Variants in PCDHA2 observed in about 807,000 individuals in gnomAD.
The protein encoded by PCDHA2 is protocadherin alpha-2.
In PCDHA2, 58 loss-of-function variants were observed where a neutral mutation model predicts 66.0. The observed-to-expected ratio is 0.88, with a 90% CI of 0.71 to 1.09. PCDHA2 has a LOEUF of 1.09. PCDHA2 is among the 50% of genes least tolerant of loss of function. PCDHA2 has a pLI of 0.00. For missense variants in PCDHA2, 1,267 were observed against 1,242.3 expected (o/e 1.02, Z -0.30); for synonymous variants, 634 against 554.0 (o/e 1.14, Z -2.03).
chr5:141,002,656 C>T lies in PCDHA2; in HGVS notation c.2537-6971C>T, dbSNP rs115710244. Among the ~76,000 whole-genome samples the T allele has an allele frequency of 3.7e-3, 571 of 152,302 alleles. 5 individuals are homozygous for T. The highest frequency in any genetic ancestry group is 0.013 in the African/African-American group (539 of 41,574). On this transcript the variant is annotated intron_variant, in intron 3 of 3. Coordinates refer to ENST00000526136, the MANE Select transcript of PCDHA2 (RefSeq NM_018905.3). The stretch of plus-strand genomic sequence containing the variant: ...CTAGAAATGTCTACTTCATAGGGCT[C>T]TTGTCAGGACCAAAACCTATACGAC...
rs781997820 is a variant in PCDHA2 at position 140,807,615 on chromosome 5, C to A, written c.2388+10263C>A. On this transcript the variant is annotated intron_variant, in intron 1 of 3. Transcript: ENST00000526136. ...GCAACACAAAAGAACCTGTCCATCG[C>A]GGAATCCAGGCCGCTTGACTCTCGG... The A allele has an allele frequency of 1.4e-5, 22 of 1,614,038 alleles. 1 individual carries two copies. In the South Asian group the frequency reaches 2.3e-4, roughly 17 times the overall value.
At chr5:140,870,745 G>A (rs369212308) in intron 1 of PCDHA2, 1 of 1,613,530 alleles carries the variant, frequency 6.2e-7, no homozygotes, top group South Asian at 1.1e-5. Context: ...GAGCAGCAAC[G>A]TGACGCTGCA....
intron 1 of PCDHA2, among the ~76,000 whole-genome samples, chr5:140,954,247 A>T (rs782077145): frequency 2.6e-5 from 4 of 152,196 alleles, no homozygotes; most frequent in Non-Finnish European, 4.4e-5. Context: ...ATGAACATAC[A>T]CATGCAGGTA....
chr5:140,996,636 T>G (rs561950169), intron 3 of PCDHA2, among the ~76,000 whole-genome samples: 17 of 152,346 alleles, frequency 1.1e-4, no homozygotes, highest in Middle Eastern at 6.8e-3. Context: ...CTGCAAATTA[T>G]GTAGTTAATC....
intron 1 of PCDHA2, among the ~76,000 whole-genome samples, chr5:140,910,845 G>C (rs1448971238): frequency 6.6e-6 from 1 of 152,090 alleles, no homozygotes; most frequent in Non-Finnish European, 1.5e-5. Context: ...CAATGCCTTG[G>C]ATCTATGTTC....
At chr5:140,962,719 T>G (rs928199903) in intron 1 of PCDHA2, among the ~76,000 whole-genome samples, 1 of 152,224 alleles carries the variant, frequency 6.6e-6, no homozygotes, top group Non-Finnish European at 1.5e-5. Flanking sequence ...TTGGAAAGTA[T>G]TTTCCTTCTG....
chr5:140,923,142 T>C (rs553287064), intron 1 of PCDHA2, among the ~76,000 whole-genome samples: 9 of 152,006 alleles, frequency 5.9e-5, no homozygotes, highest in Non-Finnish European at 1.2e-4. Context: ...AGGTGGAATA[T>C]AAAAAAAATT....
At chr5:140,879,799 G>C (rs1165330277) in intron 1 of PCDHA2, among the ~76,000 whole-genome samples, 5 of 152,188 alleles carry the variant, frequency 3.3e-5, no homozygotes, top group Non-Finnish European at 7.3e-5. Flanking sequence ...GTTTCTTCCA[G>C]TTTCTATTGG....
intron 1 of PCDHA2, among the ~76,000 whole-genome samples, chr5:140,818,508 G>T (rs1766375176): frequency 6.6e-6 from 1 of 152,176 alleles, no homozygotes; most frequent in East Asian, 1.9e-4. Flanking sequence ...TTTAAAATCA[G>T]ATATAACCTG....
intron 1 of PCDHA2, chr5:140,869,866 G>A (rs1165429955): frequency 1.9e-6 from 3 of 1,610,400 alleles, no homozygotes; most frequent in Non-Finnish European, 1.7e-6. Flanking sequence ...TATGGAAAAT[G>A]CTGCTAAAGA....
At position 140,805,335 on chromosome 5, in the gene PCDHA2, GA is replaced by G. The variant is rs1157581850; in HGVS notation, c.2388+7984del. 6.5e-6 allele frequency: 8 copies of G among 1,231,042 alleles called. No homozygotes were observed. In the African/African-American group the frequency reaches 1.1e-4, roughly 17 times the overall value. 76.3% of individuals were successfully genotyped at this position (1,231,042 alleles called of 1,614,324 possible). Reference sequence around the variant, plus strand: ...TTTTTCCAATGTGCTTGATGTCAATGATCATTTTGTAAAAATATAGTTTGGG... The same window carrying G: ...TTTTTCCAATGTGCTTGATGTCAATGTCATTTTGTAAAAATATAGTTTGGG... On this transcript the variant is annotated intron_variant, in intron 1 of 3. Coordinates refer to ENST00000526136, the MANE Select transcript of PCDHA2 (RefSeq NM_018905.3).
intron 1 of PCDHA2, among the ~76,000 whole-genome samples, chr5:140,887,432 C>G (rs2061445843): frequency 6.6e-6 from 1 of 152,120 alleles, no homozygotes; most frequent in Non-Finnish European, 1.5e-5. Flanking sequence ...AGTATTTTCA[C>G]TGGGCATAGT....
At chr5:140,974,426 G>T (rs1417085676) in intron 1 of PCDHA2, among the ~76,000 whole-genome samples, 1 of 152,152 alleles carries the variant, frequency 6.6e-6, no homozygotes, top group Non-Finnish European at 1.5e-5. Flanking sequence ...TTACTTTCCT[G>T]GTTTGTAAAT....
At position 141,010,198 on chromosome 5, in the gene PCDHA2, C is replaced by T; in HGVS notation, c.*261C>T. ...AAAGCAGACCCAAGTTTCCTTTCTC[C>T]TCCGCCGCAAAGGAGAGGCTTCCCA... On this transcript the variant is annotated 3_prime_UTR_variant, in exon 4 of 4. Transcript: ENST00000526136. The T allele has an allele frequency of 6.4e-7, 1 of 1,552,138 alleles. No homozygotes were observed. The highest frequency in any genetic ancestry group is 1.4e-5 in the African/African-American group (1 of 73,154).
At chr5:141,004,412 A>G (rs2098165544) in intron 3 of PCDHA2, among the ~76,000 whole-genome samples, 1 of 152,164 alleles carries the variant, frequency 6.6e-6, no homozygotes, top group South Asian at 2.1e-4. Flanking sequence ...ACCTGACTAG[A>G]TCTCTGCCTC....
At chr5:140,884,469 C>T (rs371718634) in intron 1 of PCDHA2, 1 of 1,613,766 alleles carries the variant, frequency 6.2e-7, no homozygotes, top group Admixed American at 1.7e-5. Flanking sequence ...GCGTGCGCGC[C>T]GGGCAAGCCC....
chr5:140,852,688 T>G, intron 1 of PCDHA2: 1 of 971,908 alleles, frequency 1.0e-6, no homozygotes, highest in Non-Finnish European at 1.2e-6. Flanking sequence ...GAATATAGTC[T>G]TATACTTTCA....
At chr5:140,902,560 G>T (rs558432897) in intron 1 of PCDHA2, among the ~76,000 whole-genome samples, 9 of 152,072 alleles carry the variant, frequency 5.9e-5, no homozygotes, top group Non-Finnish European at 1.2e-4. Flanking sequence ...CCAGATTTTT[G>T]AGGGTTTTTA....
chr5:140,807,030 A>C (rs1460572101), intron 1 of PCDHA2: 2 of 890,730 alleles, frequency 2.2e-6, no homozygotes, highest in Admixed American at 2.5e-5. Context: ...AGAAGGAGGA[A>C]GAAGGGAAAA....
Sources: allele counts gnomAD v4.1 joint callset (sites outside exome capture counted in the v4.1 genomes callset), GRCh38; gene constraint gnomAD v4.1.1; transcripts MANE v1.5; gene names NCBI Gene and HGNC (gene_info 2026-07-23, HGNC 2026-07-21).